The following XYLB variants were observed in gnomAD, a reference collection of about 807,000 sequenced individuals.
XYLB encodes xylulokinase.
XYLB carries 62 observed loss-of-function variants against 78.7 expected under a neutral mutation model. The ratio of observed to expected loss-of-function variants is 0.79; its 90% confidence interval spans 0.64 to 0.97. The LOEUF (loss-of-function observed/expected upper bound fraction) is 0.97. Ranked by LOEUF, XYLB falls within the 50% of genes least tolerant of loss-of-function variation. The probability of loss-of-function intolerance (pLI) is 0.00; values close to 1 mark genes in which losing one functional copy is unlikely to be tolerated. For missense variants in XYLB, 687 were observed against 676.8 expected (o/e 1.02, Z -0.17); for synonymous variants, 245 against 247.4 (o/e 0.99, Z 0.09).
the XYLB span, among the ~76,000 whole-genome samples, chr3:38,446,482 C>A: frequency 6.6e-6 from 1 of 152,182 alleles, no homozygotes; most frequent in South Asian, 2.1e-4. Flanking sequence ...GTGAAAAGAA[C>A]AAAGCTGGAG....
intron 2 of XYLB, among the ~76,000 whole-genome samples, chr3:38,357,875 CTG>C (rs1705748609): frequency 1.4e-5 from 2 of 144,674 alleles, no homozygotes; most frequent in African/African-American, 2.5e-5. Context: ...TAAAAAAAAA[CTG>C]TGTTATTTCT....
intron 4 of XYLB, 115 bp from the exon 5 acceptor site, chr3:38,365,084 A>C: frequency 1.2e-6 from 1 of 842,392 alleles, no homozygotes. Context: ...AAGAAGTGGC[A>C]GGGGCAGGTG....
chr3:38,390,468 C>A (rs565713452), intron 15 of XYLB, among the ~76,000 whole-genome samples: 1 of 152,238 alleles, frequency 6.6e-6, no homozygotes, highest in Admixed American at 6.5e-5. Context: ...CCTGCCTCGG[C>A]CTCCCAAACT....
chr3:38,452,620 G>C, the XYLB span: 1 of 152,060 alleles, frequency 6.6e-6, no homozygotes, highest in Non-Finnish European at 1.5e-5. Context: ...GTATTATTTA[G>C]TAGAGACAGG....
chr3:38,363,068 A>G (rs371112805), intron 4 of XYLB, 51 bp downstream of exon 4: 146 of 1,403,986 alleles, frequency 1.0e-4, no homozygotes, highest in Non-Finnish European at 1.1e-4. Flanking sequence ...TGTCCTGGGC[A>G]ATGGTGTGGG....
intron 18 of XYLB, among the ~76,000 whole-genome samples, chr3:38,411,386 G>C (rs7372478): frequency 6.6e-6 from 1 of 151,444 alleles, no homozygotes; most frequent in Admixed American, 6.6e-5. Context: ...GTTGTGGGGT[G>C]GGGGGAGAGG....
chr3:38,387,997 T>C (rs940599601), intron 15 of XYLB, among the ~76,000 whole-genome samples: 1 of 152,098 alleles, frequency 6.6e-6, no homozygotes, highest in Non-Finnish European at 1.5e-5. Flanking sequence ...GTTTGAATGC[T>C]GTACGTTGTG....
chr3:38,359,316 G>A (rs939177471), intron 2 of XYLB, among the ~76,000 whole-genome samples: 2 of 152,222 alleles, frequency 1.3e-5, no homozygotes, highest in East Asian at 1.9e-4. Context: ...CCCTGGATGG[G>A]CCAGGTGTTC....
intron 18 of XYLB, among the ~76,000 whole-genome samples, chr3:38,410,617 A>T (rs1200690483): frequency 3.3e-5 from 5 of 152,168 alleles, no homozygotes. Flanking sequence ...ATGGGAGAAA[A>T]TTTTTGCAAT....
intron 18 of XYLB, among the ~76,000 whole-genome samples, chr3:38,403,773 C>T (rs895458443): frequency 2.6e-5 from 4 of 152,122 alleles, no homozygotes. Context: ...GCGTCTGCCT[C>T]ATCTAGAGTA....
intron 16 of XYLB, among the ~76,000 whole-genome samples, chr3:38,396,780 C>T (rs888993057): frequency 6.6e-6 from 1 of 152,156 alleles, no homozygotes; most frequent in Admixed American, 6.5e-5. Flanking sequence ...TAGGTCAGTG[C>T]CATTTGCTAA....
intron 17 of XYLB, among the ~76,000 whole-genome samples, chr3:38,398,068 T>C (rs1707958515): frequency 1.3e-5 from 2 of 151,708 alleles, no homozygotes; most frequent in African/African-American, 4.8e-5. Context: ...TCTGCCCACC[T>C]TGGCCTCCCA....
chr3:38,427,058 T>C, the XYLB span, among the ~76,000 whole-genome samples: 1 of 152,224 alleles, frequency 6.6e-6, no homozygotes, highest in Non-Finnish European at 1.5e-5. Context: ...AGAATGCTTT[T>C]AGCTAATCTA....
intron 18 of XYLB, among the ~76,000 whole-genome samples, chr3:38,403,990 G>A (rs528643166): frequency 1.3e-5 from 2 of 152,290 alleles, no homozygotes; most frequent in South Asian, 2.1e-4. Context: ...GTGGACTAGA[G>A]TTAAACTTCT....
At chr3:38,359,769 A>T (rs1023440327) in intron 2 of XYLB, among the ~76,000 whole-genome samples, 2 of 152,224 alleles carry the variant, frequency 1.3e-5, no homozygotes, top group African/African-American at 2.4e-5. Flanking sequence ...TGGCTAGATC[A>T]CATGGTTATC....
rs58457623 is a variant in XYLB, at chr3:38,351,171, C to CAAAAAAAAAAAAAAAAAAAAAAAAAAAAA, written c.140+2567_140+2568insAAAAAAAAAAAAAAAAAAAAAAAAAAAAA. Among the ~76,000 whole-genome samples, 26 of 23,084 alleles carry CAAAAAAAAAAAAAAAAAAAAAAAAAAAAA rather than the reference C, an allele frequency of 1.1e-3. 6 individuals carry two copies. Among genetic ancestry groups the CAAAAAAAAAAAAAAAAAAAAAAAAAAAAA allele is most frequent in the South Asian group, 2.0e-3 (1 of 488 alleles). 15.1% of individuals were successfully genotyped at this position (23,084 alleles called of 152,430 possible). A position where few individuals can be genotyped will look rare whatever the true frequency, so the allele number is the denominator to read the frequency against. The stretch of plus-strand genomic sequence containing the variant: ...TGGACAACAGAGGGAGAGCCTGTCT[C>CAAAAAAAAAAAAAAAAAAAAAAAAAAAAA]AAAAAAAAAAAAAAAAAAAAAAAAA... On this transcript the variant is annotated intron_variant, in intron 2 of 18. Transcript: ENST00000207870.
the XYLB span, among the ~76,000 whole-genome samples, chr3:38,434,626 C>G: frequency 6.6e-6 from 1 of 152,034 alleles, no homozygotes; most frequent in East Asian, 1.9e-4. Flanking sequence ...ACACATGAAA[C>G]AAAATTCACT....
chr3:38,430,851 G>T, the XYLB span, among the ~76,000 whole-genome samples: 2 of 152,172 alleles, frequency 1.3e-5, no homozygotes, highest in Admixed American at 1.3e-4. Flanking sequence ...GTTTGTCAAA[G>T]ATCAGATAGT....
chr3:38,392,850 AT>A (rs1442060813), intron 15 of XYLB, among the ~76,000 whole-genome samples: 4 of 152,040 alleles, frequency 2.6e-5, no homozygotes, highest in Non-Finnish European at 2.9e-5. Flanking sequence ...TTCATCTTCC[AT>A]TTTATGCTTT....
Sources: gnomAD v4.1 joint callset for allele counts (sites outside exome capture counted in the v4.1 genomes callset) on GRCh38, gnomAD v4.1.1 for gene constraint, MANE v1.5 for transcripts, NCBI Gene and HGNC (gene_info 2026-07-23, HGNC 2026-07-21) for gene names.